The following FDFT1 variants were observed in gnomAD, a reference collection of about 807,000 sequenced individuals.
FDFT1 encodes the protein farnesyl-diphosphate farnesyltransferase 1.
In FDFT1, 68 loss-of-function variants were observed where a neutral mutation model predicts 46.8. That is an observed-to-expected ratio of 1.45 (90% CI 1.19 to 1.78). FDFT1 has a LOEUF of 1.78. Ranked by LOEUF, FDFT1 falls within the 40% of genes most tolerant of loss-of-function variation. The pLI, the probability that FDFT1 is intolerant of heterozygous loss-of-function variation, is 0.00. For missense variants in FDFT1, 928 were observed against 524.4 expected, an observed-to-expected ratio of 1.77 and a Z score of -7.52; for synonymous variants, 351 against 185.1, an observed-to-expected ratio of 1.90 and a Z score of -7.28.
intron 5 of FDFT1, among the ~76,000 whole-genome samples, chr8:11,828,797 G>C (rs73207292): frequency 0.013 from 1,998 of 152,338 alleles, 22 homozygotes; most frequent in Non-Finnish European, 0.02. Flanking sequence ...TCTTTTGCTA[G>C]CATGTTTTCA....
At chr8:11,798,797 G>T (rs1805819573), upstream of FDFT1, among the ~76,000 whole-genome samples, 1 of 152,168 alleles carries the variant, frequency 6.6e-6, no homozygotes, top group Non-Finnish European at 1.5e-5. Flanking sequence ...GATGGTTGAG[G>T]GGACATTAGT....
upstream of FDFT1, among the ~76,000 whole-genome samples, chr8:11,800,998 G>C (rs1180576181): frequency 6.6e-6 from 1 of 152,180 alleles, no homozygotes; most frequent in Admixed American, 6.5e-5. Context: ...TGATGTATTA[G>C]AATATGGTAA....
chr8:11,838,400 A>G lies in FDFT1; in HGVS notation c.1045A>G (p.Ile349Val). The G allele has an allele frequency of 6.2e-7, 1 of 1,613,620 alleles. No homozygotes were observed. Among genetic ancestry groups the G allele is most frequent in the Non-Finnish European group, 8.5e-7 (1 of 1,179,592 alleles). ...YQYMEEIYHR[I>V]PDSDPSSSKT... is the part of the protein sequence containing the mutation. ...GTGTCTTTAACAGATTTATCATAGA[A>G]TCCCCGACTCAGACCCATCTTCTAG... is the stretch of plus-strand genomic sequence containing the variant. Residue 349 changes from isoleucine to valine, a missense_variant, in exon 8 of 8, where the codon ATC becomes GTC. Transcript: ENST00000220584.
intron 3 of FDFT1, among the ~76,000 whole-genome samples, chr8:11,810,768 G>A (rs74617014): frequency 0.014 from 2,056 of 151,998 alleles, 48 homozygotes; most frequent in African/African-American, 0.047. Flanking sequence ...GTAATAGCTC[G>A]AAGAAGCCCT....
intron 7 of FDFT1, among the ~76,000 whole-genome samples, chr8:11,833,553 T>C (rs1184153257): frequency 6.6e-6 from 1 of 152,230 alleles, no homozygotes; most frequent in Non-Finnish European, 1.5e-5. Flanking sequence ...AAAATTCAGA[T>C]TTATTTGGTT....
chr8:11,813,446 T>C (rs969037100), intron 3 of FDFT1, among the ~76,000 whole-genome samples: 41 of 152,244 alleles, frequency 2.7e-4, no homozygotes, highest in Admixed American at 1.6e-3. Flanking sequence ...GGAAATTACC[T>C]AGTACATAAT....
chr8:11,838,594 G>GAT lies in FDFT1; in HGVS notation c.1240_1241insTA (p.Thr414IlefsTer13). The GAT allele has an allele frequency of 6.2e-7, 1 of 1,613,882 alleles. No individual in the cohort carries two copies. The highest frequency in any genetic ancestry group is 1.1e-5 in the South Asian group (1 of 91,054). On this transcript the variant is annotated frameshift_variant, in exon 8 of 8. Coordinates refer to ENST00000220584, the MANE Select transcript of FDFT1 (RefSeq NM_004462.5). LOFTEE classifies it high-confidence loss of function. ...CCCAGGTAACAGAAGACTATGTTCA[G>GAT]ACTGGAGAACACTGATCCCAAATTT...
At chr8:11,823,666 C>T (rs149388209) in intron 4 of FDFT1, among the ~76,000 whole-genome samples, 3 of 152,182 alleles carry the variant, frequency 2.0e-5, no homozygotes, top group Non-Finnish European at 2.9e-5. Flanking sequence ...CTTCTGGGCT[C>T]AAGCAATCTT....
At chr8:11,809,105 A>AGGG in intron 2 of FDFT1, 1 of 1,254,322 alleles carries the variant, frequency 8.0e-7, no homozygotes, top group Non-Finnish European at 1.0e-6. Flanking sequence ...CTTTCAGAGA[A>AGGG]GAGGGGGGAG....
intron 1 of FDFT1, among the ~76,000 whole-genome samples, chr8:11,805,800 A>G (rs1463993552): frequency 6.6e-6 from 1 of 152,212 alleles, no homozygotes; most frequent in Non-Finnish European, 1.5e-5. Flanking sequence ...TTGTATATGC[A>G]TTTTATTGCC....
In FDFT1 at chr8:11,809,679, C is replaced by T; in HGVS notation, c.210C>T (p.Cys70=). ...ALDGEMRNAV[C]IFYLVLRALD... is the part of the protein sequence containing the mutation. ...CCCTTTTTTACAGCAACGCAGTGTG[C>T]ATATTTTATCTGGTTCTCCGAGCTC... is the stretch of plus-strand genomic sequence containing the variant. Residue 70 remains cysteine (C), a synonymous_variant, in exon 3 of 8, where the codon TGC becomes TGT. Coordinates refer to ENST00000220584, the MANE Select transcript of FDFT1 (RefSeq NM_004462.5). The T allele has an allele frequency of 1.2e-6, 2 of 1,611,648 alleles. No individual in the cohort carries two copies. The highest frequency in any genetic ancestry group is 1.7e-6 in the Non-Finnish European group (2 of 1,178,922).
intron 7 of FDFT1, among the ~76,000 whole-genome samples, chr8:11,837,421 A>C (rs1586024767): frequency 6.6e-6 from 1 of 151,722 alleles, no homozygotes; most frequent in South Asian, 2.1e-4. Flanking sequence ...TTGTAGAAAC[A>C]GGGTTTTACT....
At chr8:11,809,945 A>C (rs1310938907) in intron 3 of FDFT1, 95 bp downstream of exon 3, 5 of 950,506 alleles carry the variant, frequency 5.3e-6, no homozygotes, top group Non-Finnish European at 7.8e-6. Flanking sequence ...GAAAGGTTAA[A>C]TAAGCATTCT....
At chr8:11,804,857 C>T (rs1806620578) in intron 1 of FDFT1, among the ~76,000 whole-genome samples, 1 of 151,326 alleles carries the variant, frequency 6.6e-6, no homozygotes, top group African/African-American at 2.4e-5. Context: ...GATCTGCTCG[C>T]CTTGGTCTCC....
chr8:11,826,816 A>C (rs1034364772), intron 5 of FDFT1, among the ~76,000 whole-genome samples: 1 of 152,162 alleles, frequency 6.6e-6, no homozygotes, highest in Non-Finnish European at 1.5e-5. Context: ...CTCCCTCTCA[A>C]AAGAAGAGGA....
intron 3 of FDFT1, among the ~76,000 whole-genome samples, chr8:11,813,503 G>C (rs973908947): frequency 2.6e-5 from 4 of 152,172 alleles, no homozygotes; most frequent in Non-Finnish European, 5.9e-5. Context: ...GAGGCACAGA[G>C]AAATTAAGTA....
chr8:11,808,691 G>A, intron 1 of FDFT1, 103 bp from the exon 2 acceptor site: 3 of 1,504,586 alleles, frequency 2.0e-6, no homozygotes, highest in South Asian at 1.3e-5. Context: ...GCGGCAGGCT[G>A]TGGAGCCGCC....
chr8:11,802,501 C>T (rs1229948220), upstream of FDFT1: 3 of 499,856 alleles, frequency 6.0e-6, no homozygotes, highest in Non-Finnish European at 1.2e-5. Context: ...GGCACCAATC[C>T]CGCTCGTCGG....
At chr8:11,796,092 C>T (rs999489580) in intron 1 of FDFT1, 6 of 152,202 alleles carry the variant, frequency 3.9e-5, no homozygotes, top group Admixed American at 2.6e-4. Context: ...CATAGATTTT[C>T]ACAGTGGCTT....
Sources: gnomAD v4.1 joint callset for allele counts (sites outside exome capture counted in the v4.1 genomes callset) on GRCh38, gnomAD v4.1.1 for gene constraint, MANE v1.5 for transcripts, NCBI Gene and HGNC (gene_info 2026-07-23, HGNC 2026-07-21) for gene names.